CCDC171: variants seen among roughly 807,000 people sequenced by gnomAD.
The protein encoded by CCDC171 is coiled-coil domain-containing protein 171.
A neutral mutation model predicts 168.2 loss-of-function variants in CCDC171; 177 were observed. That is an observed-to-expected ratio of 1.05 (90% CI 0.93 to 1.19). CCDC171 has a LOEUF of 1.19. Among genes scored for constraint, CCDC171 ranks in the 50% most tolerant of loss-of-function variants. CCDC171 has a pLI of 0.00. For synonymous variants in CCDC171, 687 were observed against 540.8 expected (o/e 1.27, Z -3.75); for missense variants, 1,991 against 1,539.0 (o/e 1.29, Z -4.91).
At chr9:15,631,319 A>C (rs1222063358) in intron 7 of CCDC171, among the ~76,000 whole-genome samples, 1 of 152,170 alleles carries the variant, frequency 6.6e-6, no homozygotes, top group African/African-American at 2.4e-5. Context: ...AATAGATGCA[A>C]GAAAAAATGA....
intron 24 of CCDC171, among the ~76,000 whole-genome samples, chr9:15,879,182 A>G (rs894748981): frequency 4.6e-5 from 7 of 152,320 alleles, no homozygotes; most frequent in Non-Finnish European, 7.4e-5. Flanking sequence ...ACATTTTGGT[A>G]TATATTCTTC....
intron 21 of CCDC171, among the ~76,000 whole-genome samples, chr9:15,829,661 T>G (rs1199524311): frequency 6.6e-6 from 1 of 152,212 alleles, no homozygotes; most frequent in African/African-American, 2.4e-5. Context: ...GGCTCACACC[T>G]GTAATCCCAG....
chr9:15,888,770 T>C (rs1014857516), intron 24 of CCDC171, among the ~76,000 whole-genome samples: 14 of 151,978 alleles, frequency 9.2e-5, no homozygotes, highest in Non-Finnish European at 1.8e-4. Context: ...AAATCCCACA[T>C]CTGAAATTCC....
chr9:15,719,730 C>T (rs1342060882), intron 11 of CCDC171, among the ~76,000 whole-genome samples: 1 of 152,178 alleles, frequency 6.6e-6, no homozygotes, highest in Admixed American at 6.5e-5. Context: ...CTCTTCAGCA[C>T]TCATATTAAG....
At chr9:15,668,271 A>G (rs1281245346) in intron 9 of CCDC171, among the ~76,000 whole-genome samples, 1 of 152,222 alleles carries the variant, frequency 6.6e-6, no homozygotes, top group Admixed American at 6.5e-5. Flanking sequence ...ATTGGACTGG[A>G]GGAATTTTAA....
At chr9:15,959,613 C>T (rs1464960288) in intron 25 of CCDC171, among the ~76,000 whole-genome samples, 3 of 152,046 alleles carry the variant, frequency 2.0e-5, no homozygotes, top group African/African-American at 7.2e-5. Context: ...ACTCCAAGCG[C>T]AGACTGCATT....
chr9:15,681,668 T>G (rs527822248), intron 10 of CCDC171, among the ~76,000 whole-genome samples: 11 of 152,104 alleles, frequency 7.2e-5, no homozygotes, highest in Non-Finnish European at 1.3e-4. Flanking sequence ...CTCGGTAGAT[T>G]AGTGGCCTTT....
chr9:15,815,360 GGAA>G lies in CCDC171; in HGVS notation c.3267+30673_3267+30675del, dbSNP rs1227536165. Among the ~76,000 whole-genome samples the G allele has an allele frequency of 4.7e-4, 23 of 49,052 alleles. 7 individuals carry two copies. Among genetic ancestry groups the G allele is most frequent in the African/African-American group, 1.8e-3 (23 of 13,086 alleles). The allele number at this position is 49,052 out of a possible 152,430, so 32.2% of individuals were successfully genotyped here. ...TTAATTACATTTAGACCATGCATGG[GGAA>G]GAAGAATTACTTCTTTTTGCAAAGA... is the stretch of plus-strand genomic sequence containing the variant. On this transcript the variant is annotated intron_variant, in intron 21 of 25. Transcript: ENST00000380701.
chr9:16,064,458 G>A (rs1252755393), downstream of CCDC171, among the ~76,000 whole-genome samples: 6 of 152,170 alleles, frequency 3.9e-5, no homozygotes, highest in African/African-American at 1.2e-4. Context: ...GAGAAAATGT[G>A]TGCAGACAAA....
intron 6 of CCDC171, among the ~76,000 whole-genome samples, chr9:15,601,311 G>A (rs1291700036): frequency 6.6e-6 from 1 of 152,140 alleles, no homozygotes; most frequent in Non-Finnish European, 1.5e-5. Flanking sequence ...GTAAAAGCTG[G>A]TAGTGAACAT....
the CCDC171 span, among the ~76,000 whole-genome samples, chr9:16,105,140 G>A: frequency 6.6e-6 from 1 of 152,182 alleles, no homozygotes. Flanking sequence ...GACTTCAAAT[G>A]CAACACATCC....
chr9:15,663,246 G>C (rs903746971), intron 8 of CCDC171, among the ~76,000 whole-genome samples: 4 of 152,196 alleles, frequency 2.6e-5, no homozygotes, highest in Admixed American at 2.6e-4. Flanking sequence ...TCAAACCCAA[G>C]TTTTATGGTT....
intron 4 of CCDC171, among the ~76,000 whole-genome samples, chr9:15,585,169 T>G (rs1018908597): frequency 6.6e-6 from 1 of 152,214 alleles, no homozygotes; most frequent in African/African-American, 2.4e-5. Flanking sequence ...ACAGCCACTT[T>G]AGAAAAAAAC....
intron 21 of CCDC171, among the ~76,000 whole-genome samples, chr9:15,798,407 T>C (rs1158559596): frequency 6.6e-6 from 1 of 152,156 alleles, no homozygotes; most frequent in African/African-American, 2.4e-5. Context: ...TTATTTCTGT[T>C]ATTTTTATTA....
intron 1 of CCDC171, among the ~76,000 whole-genome samples, chr9:15,560,711 C>T (rs533660428): frequency 1.3e-5 from 2 of 152,226 alleles, no homozygotes; most frequent in African/African-American, 2.4e-5. Context: ...TATTACCCAT[C>T]GTCTGAAGCC....
chr9:15,584,502 G>A (rs559676934), intron 4 of CCDC171, among the ~76,000 whole-genome samples: 1 of 152,182 alleles, frequency 6.6e-6, no homozygotes, highest in Admixed American at 6.5e-5. Context: ...ATGTTCCAAT[G>A]TAATAAACTG....
At chr9:16,101,895 C>A in the CCDC171 span, among the ~76,000 whole-genome samples, 1 of 152,238 alleles carries the variant, frequency 6.6e-6, no homozygotes, top group Non-Finnish European at 1.5e-5. Flanking sequence ...GCCTGGCCAA[C>A]ACCTTGACTT....
At chr9:15,941,198 TAACA>T (rs1827687490) in intron 25 of CCDC171, among the ~76,000 whole-genome samples, 1 of 151,954 alleles carries the variant, frequency 6.6e-6, no homozygotes, top group African/African-American at 2.4e-5. Flanking sequence ...TTTTTTAGAA[TAACA>T]AACAAAATGA....
intron 7 of CCDC171, among the ~76,000 whole-genome samples, chr9:15,633,362 G>C (rs764670688): frequency 6.6e-6 from 1 of 152,156 alleles, no homozygotes; most frequent in Admixed American, 6.5e-5. Flanking sequence ...ACGGGGCAAA[G>C]GACATGAACA....
Sources: gnomAD v4.1 joint callset for allele counts (sites outside exome capture counted in the v4.1 genomes callset) on GRCh38, gnomAD v4.1.1 for gene constraint, MANE v1.5 for transcripts, NCBI Gene and HGNC (gene_info 2026-07-23, HGNC 2026-07-21) for gene names.